MYLK: variants seen among roughly 807,000 people sequenced by gnomAD.
MYLK encodes myosin light chain kinase, smooth muscle.
MYLK carries 106 observed loss-of-function variants against 203.4 expected under a neutral mutation model. The observed-to-expected ratio is 0.52, with a 90% CI of 0.45 to 0.61. The LOEUF (loss-of-function observed/expected upper bound fraction) is 0.61. Among genes scored for constraint, MYLK ranks in the 20% least tolerant of loss-of-function variants. MYLK has a pLI of 0.00. For missense variants in MYLK, 2,072 were observed against 2,442.3 expected (o/e 0.85, Z 3.20); for synonymous variants, 867 against 959.5 (o/e 0.90, Z 1.78).
chr3:123,833,747 T>C (rs896526532), intron 2 of MYLK, among the ~76,000 whole-genome samples: 9 of 152,120 alleles, frequency 5.9e-5, no homozygotes, highest in Non-Finnish European at 1.2e-4. Flanking sequence ...ATGGGTGAAA[T>C]GATTTTCTAA....
At chr3:123,647,471 G>A in intron 26 of MYLK, 44 bp from the exon 27 acceptor site, 1 of 1,591,558 alleles carries the variant, frequency 6.3e-7, no homozygotes, top group Non-Finnish European at 8.6e-7. Flanking sequence ...ATTTAGCCAA[G>A]CTTTCCGCTA....
At chr3:123,791,859 T>A (rs1248341078) in intron 4 of MYLK, among the ~76,000 whole-genome samples, 1 of 152,230 alleles carries the variant, frequency 6.6e-6, no homozygotes, top group African/African-American at 2.4e-5. Flanking sequence ...TTCAACTCCT[T>A]AAGAAAAATA....
At chr3:123,752,241 T>C in intron 5 of MYLK, 90 bp downstream of exon 5, 1 of 1,349,384 alleles carries the variant, frequency 7.4e-7, no homozygotes, top group Admixed American at 1.7e-5. Context: ...AGTTCCTCCA[T>C]CCTTCAAGAG....
chr3:123,698,399 C>T (rs549822301), intron 18 of MYLK, among the ~76,000 whole-genome samples: 95 of 152,312 alleles, frequency 6.2e-4, no homozygotes, highest in African/African-American at 2.2e-3. Context: ...GTGGATGCCA[C>T]CCTGCATCCT....
At chr3:123,639,329 T>G (rs1239169154) in intron 28 of MYLK, among the ~76,000 whole-genome samples, 1 of 152,174 alleles carries the variant, frequency 6.6e-6, no homozygotes, top group African/African-American at 2.4e-5. Context: ...ACCTCGCCCC[T>G]GCTTACCCCT....
intron 8 of MYLK, among the ~76,000 whole-genome samples, chr3:123,736,727 G>C (rs2062685910): frequency 6.6e-6 from 1 of 152,176 alleles, no homozygotes; most frequent in Non-Finnish European, 1.5e-5. Context: ...ATTCTGGGCA[G>C]GTTAAATTTG....
chr3:123,855,803 C>T (rs1166517244), intron 2 of MYLK, among the ~76,000 whole-genome samples: 2 of 152,066 alleles, frequency 1.3e-5, no homozygotes, highest in African/African-American at 4.8e-5. Flanking sequence ...GTAACCAAAG[C>T]AAATAGACCC....
chr3:123,720,499 C>T (rs372734285), intron 13 of MYLK, among the ~76,000 whole-genome samples: 1 of 152,186 alleles, frequency 6.6e-6, no homozygotes, highest in Admixed American at 6.5e-5. Flanking sequence ...GGGTTGGCCA[C>T]GCTGGCCTCC....
chr3:123,678,121 G>T (rs2060137679), intron 20 of MYLK, among the ~76,000 whole-genome samples: 1 of 151,574 alleles, frequency 6.6e-6, no homozygotes. Flanking sequence ...GTGAGACTCG[G>T]CTGAAGTGAC....
intron 31 of MYLK, 53 bp downstream of exon 31, chr3:123,626,765 A>G: frequency 1.2e-6 from 2 of 1,612,660 alleles, no homozygotes; most frequent in Non-Finnish European, 8.5e-7. Flanking sequence ...AAGTGGCTTG[A>G]ACAACACAAA....
chr3:123,702,088 CT>C (rs2061257493), intron 16 of MYLK, among the ~76,000 whole-genome samples: 1 of 152,222 alleles, frequency 6.6e-6, no homozygotes, highest in South Asian at 2.1e-4. Flanking sequence ...CCTTTCTCTT[CT>C]TCCTTCAGGT....
At chr3:123,847,953 AG>A (rs2030233489) in intron 2 of MYLK, among the ~76,000 whole-genome samples, 1 of 152,074 alleles carries the variant, frequency 6.6e-6, no homozygotes, top group Non-Finnish European at 1.5e-5. Context: ...GCACAATATT[AG>A]GATTATTTAC....
In MYLK at chr3:123,732,894, A is replaced by G; in HGVS notation, c.1516+2T>C. On this transcript the variant is annotated splice_donor_variant, in intron 11 of 33. Coordinates refer to ENST00000360304, the MANE Select transcript of MYLK (RefSeq NM_053025.4). LOFTEE classifies it high-confidence loss of function. The stretch of plus-strand genomic sequence containing the variant: ...CGGGGTGACCTGGAGAAGTGTACTC[A>G]CTTTCCACTTGGAGGGTCCAGCTAC... 1 of 1,613,254 alleles carries G rather than the reference A, an allele frequency of 6.2e-7. No homozygotes were observed. Among genetic ancestry groups the G allele is most frequent in the Non-Finnish European group, 8.5e-7 (1 of 1,179,418 alleles).
rs72972321 is a variant in MYLK, at chr3:123,767,121, T to C, written c.166-14583A>G. 4.9e-3 allele frequency among the ~76,000 whole-genome samples: 743 copies of C among 152,330 alleles called. 8 individuals carry two copies. The highest frequency in any genetic ancestry group is 0.017 in the African/African-American group (709 of 41,582). Reference sequence around the variant, plus strand: ...AACTTTCCTTTCCTCCTCCCGCCAGTGTCCCTTTCAAGTCTGTGATCCTCG... The same window carrying C: ...AACTTTCCTTTCCTCCTCCCGCCAGCGTCCCTTTCAAGTCTGTGATCCTCG... On this transcript the variant is annotated intron_variant, in intron 4 of 33. Transcript: ENST00000360304.
intron 29 of MYLK, among the ~76,000 whole-genome samples, chr3:123,637,467 C>T (rs1020406864): frequency 1.3e-5 from 2 of 152,228 alleles, no homozygotes; most frequent in African/African-American, 4.8e-5. Flanking sequence ...CTCCCCTCTC[C>T]TGCATTATTG....
At chr3:123,717,335 C>T (rs2061931686) in intron 13 of MYLK, among the ~76,000 whole-genome samples, 1 of 152,220 alleles carries the variant, frequency 6.6e-6, no homozygotes, top group African/African-American at 2.4e-5. Flanking sequence ...TCACTGATGC[C>T]TGTTGTCTTC....
intron 33 of MYLK, 104 bp downstream of exon 33, chr3:123,618,535 T>G: frequency 6.6e-7 from 1 of 1,521,274 alleles, no homozygotes; most frequent in African/African-American, 1.4e-5. Context: ...TTCCTCATTG[T>G]CCCCAGCTGC....
At chr3:123,647,053 T>G (rs989378343) in intron 27 of MYLK, 171 bp downstream of exon 27, 1 of 674,306 alleles carries the variant, frequency 1.5e-6, no homozygotes, top group Non-Finnish European at 2.6e-6. Context: ...TGCACAGACC[T>G]TCGGTTCTGT....
chr3:123,735,546 CG>C, intron 8 of MYLK, 130 bp from the exon 9 acceptor site: 1 of 1,015,920 alleles, frequency 9.8e-7, no homozygotes. Flanking sequence ...TGGTGCTGAA[CG>C]TCTTTGGCCT....
Sources: gnomAD v4.1 joint callset for allele counts (sites outside exome capture counted in the v4.1 genomes callset) on GRCh38, gnomAD v4.1.1 for gene constraint, MANE v1.5 for transcripts, NCBI Gene and HGNC (gene_info 2026-07-23, HGNC 2026-07-21) for gene names.